The following NRXN3 variants were observed in gnomAD, a reference collection of about 807,000 sequenced individuals.
NRXN3 encodes neurexin 3, also known as neurexin III.
NRXN3 carries 32 observed loss-of-function variants against 137.6 expected under a neutral mutation model. The observed-to-expected ratio is 0.23, with a 90% CI of 0.18 to 0.31. NRXN3 has a LOEUF of 0.31. Ranked by LOEUF, NRXN3 falls within the 10% of genes least tolerant of loss-of-function variation. The pLI, the probability that NRXN3 is intolerant of heterozygous loss-of-function variation, is 1.00. For synonymous variants in NRXN3, 798 were observed against 784.5 expected, an observed-to-expected ratio of 1.02 and a Z score of -0.29; for missense variants, 1,574 against 2,062.5, an observed-to-expected ratio of 0.76 and a Z score of 4.59.
intron 15 of NRXN3, among the ~76,000 whole-genome samples, chr14:79,148,879 CT>C (rs2059548027): frequency 6.6e-6 from 1 of 151,928 alleles, no homozygotes; most frequent in Non-Finnish European, 1.5e-5. Context: ...CTTTCTTATT[CT>C]TTTTTGTGGA....
intron 1 of NRXN3, among the ~76,000 whole-genome samples, chr14:78,233,629 T>C (rs1382712263): frequency 6.6e-6 from 1 of 150,740 alleles, no homozygotes; most frequent in African/African-American, 2.5e-5. Flanking sequence ...CTAGACAAAA[T>C]TCTATCCTGG....
At chr14:78,196,676 G>T (rs1482753784) in intron 1 of NRXN3, among the ~76,000 whole-genome samples, 1 of 152,200 alleles carries the variant, frequency 6.6e-6, no homozygotes, top group Admixed American at 6.5e-5. Context: ...GGCAGACAAG[G>T]TCCTGTCTTT....
At chr14:78,325,282 T>C (rs12717576) in intron 4 of NRXN3, among the ~76,000 whole-genome samples, 68,865 of 151,670 alleles carry the variant, frequency 0.45, 18,428 homozygotes, top group African/African-American at 0.74. Flanking sequence ...TGGTGGTCCT[T>C]ATAGCCACAG....
chr14:79,529,879 C>A (rs527540535), intron 16 of NRXN3, among the ~76,000 whole-genome samples: 1 of 152,256 alleles, frequency 6.6e-6, no homozygotes, highest in South Asian at 2.1e-4. Flanking sequence ...CAAGCAAAGT[C>A]GAAAACTGCC....
chr14:78,965,663 G>A (rs2099416098), intron 11 of NRXN3, among the ~76,000 whole-genome samples: 1 of 152,168 alleles, frequency 6.6e-6, no homozygotes, highest in Non-Finnish European at 1.5e-5. Context: ...CTTGTGTGTT[G>A]TGTCTTTACA....
At chr14:79,850,264 C>T (rs1603619577) in intron 20 of NRXN3, among the ~76,000 whole-genome samples, 1 of 152,276 alleles carries the variant, frequency 6.6e-6, no homozygotes, top group Non-Finnish European at 1.5e-5. Context: ...GTTCCCTCTG[C>T]CTTCCTCTCT....
intron 15 of NRXN3, among the ~76,000 whole-genome samples, chr14:79,130,547 A>C (rs538542884): frequency 5.7e-4 from 87 of 151,920 alleles, no homozygotes; most frequent in African/African-American, 1.8e-3. Context: ...CCGAGAGATC[A>C]GCTGTTAGTC....
intron 4 of NRXN3, among the ~76,000 whole-genome samples, chr14:78,392,582 A>G (rs1166237653): frequency 1.3e-5 from 2 of 152,212 alleles, no homozygotes; most frequent in Non-Finnish European, 2.9e-5. Flanking sequence ...CGAAGCCTAA[A>G]TAAGACTGTA....
chr14:79,083,897 A>C (rs777585202), intron 15 of NRXN3, among the ~76,000 whole-genome samples: 1 of 151,992 alleles, frequency 6.6e-6, no homozygotes, highest in Admixed American at 6.6e-5. Context: ...AGCATGGGAA[A>C]GTTTTTTGTT....
intron 15 of NRXN3, among the ~76,000 whole-genome samples, chr14:78,999,077 C>T (rs750099328): frequency 2.0e-4 from 31 of 152,132 alleles, no homozygotes; most frequent in Non-Finnish European, 3.4e-4. Flanking sequence ...GTGAAATTAA[C>T]AAATGTTTTC....
At chr14:79,618,826 T>A (rs2098190529) in intron 16 of NRXN3, among the ~76,000 whole-genome samples, 1 of 152,090 alleles carries the variant, frequency 6.6e-6, no homozygotes, top group South Asian at 2.1e-4. Flanking sequence ...ACAGTGTAGC[T>A]TTCCCTTTCC....
chr14:78,498,137 A>G (rs563115638), intron 4 of NRXN3, among the ~76,000 whole-genome samples: 19 of 152,280 alleles, frequency 1.2e-4, no homozygotes, highest in East Asian at 7.7e-4. Flanking sequence ...AATGCCCTGT[A>G]TATATTTCAT....
chr14:79,845,575 C>T lies in NRXN3; in HGVS notation c.4094-15767C>T, dbSNP rs1315984276. Among the ~76,000 whole-genome samples, 5 of 107,750 alleles carry T rather than the reference C, an allele frequency of 4.6e-5. No homozygotes were observed. The South Asian group carries it at 1.5e-3, about 32-fold the overall frequency. 70.7% of individuals were successfully genotyped at this position (107,750 alleles called of 152,430 possible). On this transcript the variant is annotated intron_variant, in intron 20 of 20. Transcript: ENST00000335750. Reference sequence around the variant, plus strand: ...AGGATAGACAGAGAGAGAGAGAGACCGACCCAGAGAGACAGAGAGAGAGAG... The same window carrying T: ...AGGATAGACAGAGAGAGAGAGAGACTGACCCAGAGAGACAGAGAGAGAGAG...
At chr14:79,705,781 T>C (rs570732142) in intron 19 of NRXN3, among the ~76,000 whole-genome samples, 1 of 152,270 alleles carries the variant, frequency 6.6e-6, no homozygotes, top group African/African-American at 2.4e-5. Context: ...CAACACTCTA[T>C]CGCCTTTTCC....
intron 1 of NRXN3, among the ~76,000 whole-genome samples, chr14:78,172,483 G>A (rs2058816731): frequency 6.6e-6 from 1 of 152,138 alleles, no homozygotes; most frequent in African/African-American, 2.4e-5. Flanking sequence ...TTTAATCTTC[G>A]GGCTTAATCT....
At chr14:79,280,299 T>C (rs759182907) in intron 15 of NRXN3, 56 of 1,613,960 alleles carry the variant, frequency 3.5e-5, no homozygotes, top group Non-Finnish European at 4.6e-5. Context: ...ACCATGCACC[T>C]GAGAATCCAC....
intron 4 of NRXN3, among the ~76,000 whole-genome samples, chr14:78,495,122 G>A (rs532941198): frequency 5.3e-5 from 4 of 75,186 alleles, no homozygotes; most frequent in East Asian, 7.9e-4. Flanking sequence ...GTATATGTGG[G>A]GTGTGTGTGT....
intron 15 of NRXN3, among the ~76,000 whole-genome samples, chr14:79,260,489 C>T (rs1015361165): frequency 1.3e-5 from 2 of 152,086 alleles, no homozygotes; most frequent in African/African-American, 4.8e-5. Flanking sequence ...TTGACAGATC[C>T]CTCACCCCCA....
chr14:79,719,402 G>GTATATATATGTGTGTATATATA lies in NRXN3; in HGVS notation c.4014+21474_4014+21475insGTGTGTATATATATATATATAT, dbSNP rs5741998. Among the ~76,000 whole-genome samples the GTATATATATGTGTGTATATATA allele has an allele frequency of 8.8e-3, 1,258 of 142,276 alleles. 22 individuals are homozygous for GTATATATATGTGTGTATATATA. Among genetic ancestry groups the GTATATATATGTGTGTATATATA allele is most frequent in the African/African-American group, 0.031 (1,167 of 37,406 alleles). The allele number at this position is 142,276 out of a possible 152,430, so 93.3% of individuals were successfully genotyped here. A position where few individuals can be genotyped will look rare whatever the true frequency, so the allele number is the denominator to read the frequency against. On this transcript the variant is annotated intron_variant, in intron 19 of 20. Coordinates refer to ENST00000335750, the MANE Select transcript of NRXN3 (RefSeq NM_001330195.2). ...TATATGTGTGTGTATATATATGTGT[G>GTATATATATGTGTGTATATATA]TATATATATATATATATACCTTTCC...
Sources: gnomAD v4.1 joint callset for allele counts (sites outside exome capture counted in the v4.1 genomes callset) on GRCh38, gnomAD v4.1.1 for gene constraint, MANE v1.5 for transcripts, NCBI Gene and HGNC (gene_info 2026-07-23, HGNC 2026-07-21) for gene names.